Variants in ADIPOR2 observed in about 807,000 individuals in gnomAD.
ADIPOR2 encodes adiponectin receptor 2, also known as adiponectin receptor protein 2.
A neutral mutation model predicts 40.9 loss-of-function variants in ADIPOR2; 18 were observed. The observed-to-expected ratio is 0.44, with a 90% CI of 0.30 to 0.65. The LOEUF (loss-of-function observed/expected upper bound fraction) is 0.65, where lower values mean the gene tolerates loss of function less well. Ranked by LOEUF, ADIPOR2 falls within the 30% of genes least tolerant of loss-of-function variation. ADIPOR2 has a pLI of 0.09. For synonymous variants in ADIPOR2, 165 were observed against 166.4 expected (o/e 0.99, Z 0.06); for missense variants, 283 against 479.2 (o/e 0.59, Z 3.82).
intron 1 of ADIPOR2, among the ~76,000 whole-genome samples, chr12:1,746,076 T>TA (rs2094754378): frequency 1.3e-5 from 2 of 152,158 alleles, no homozygotes; most frequent in African/African-American, 2.4e-5. Context: ...TGACATGATC[T>TA]AAAAAATATG....
chr12:1,766,885 T>C (rs569810908), intron 2 of ADIPOR2, among the ~76,000 whole-genome samples: 100 of 152,332 alleles, frequency 6.6e-4, no homozygotes, highest in African/African-American at 2.4e-3. Context: ...TGCCACTATA[T>C]AATAGTTTAT....
chr12:1,693,536 T>G (rs973444438), intron 1 of ADIPOR2, among the ~76,000 whole-genome samples: 5 of 143,794 alleles, frequency 3.5e-5, no homozygotes, highest in African/African-American at 1.3e-4. Flanking sequence ...TTTTTTTTTG[T>G]TCATTTTGTT....
At chr12:1,780,292 C>A in intron 4 of ADIPOR2, 159 bp from the exon 5 acceptor site, 2 of 687,254 alleles carry the variant, frequency 2.9e-6, no homozygotes, top group Non-Finnish European at 4.4e-6. Context: ...GGAAGTAAAC[C>A]ACAATTTTGG....
chr12:1,756,181 C>T (rs534279764), intron 2 of ADIPOR2, among the ~76,000 whole-genome samples: 6 of 151,958 alleles, frequency 3.9e-5, no homozygotes, highest in African/African-American at 1.4e-4. Flanking sequence ...GATAGAGTCT[C>T]GCTCTGTTGC....
At chr12:1,694,137 A>C (rs112149384) in intron 1 of ADIPOR2, among the ~76,000 whole-genome samples, 44 of 152,226 alleles carry the variant, frequency 2.9e-4, no homozygotes, top group African/African-American at 1.0e-3. Flanking sequence ...TTTACAGGTG[A>C]GGAAACTAAG....
rs558483171 is a variant in ADIPOR2 at position 1,733,618 on chromosome 12, A to T, written c.-86-20640A>T. Among the ~76,000 whole-genome samples, 9 of 151,976 alleles carry T rather than the reference A, an allele frequency of 5.9e-5. No homozygotes were observed. In the East Asian group the frequency reaches 1.4e-3, roughly 23 times the overall value. On this transcript the variant is annotated intron_variant, in intron 1 of 7. Coordinates refer to ENST00000357103, the MANE Select transcript of ADIPOR2 (RefSeq NM_024551.3). ...ACCATGTGTTCTTATTTATTTATTT[A>T]TTTTTTATTCTAAGTTTTAGGGTAC...
At chr12:1,693,919 G>A (rs185066723) in intron 1 of ADIPOR2, among the ~76,000 whole-genome samples, 36 of 152,248 alleles carry the variant, frequency 2.4e-4, no homozygotes, top group African/African-American at 8.2e-4. Context: ...GGTCTTTCTA[G>A]AAAGGGGCTT....
chr12:1,757,276 A>G, intron 2 of ADIPOR2: 2 of 604,150 alleles, frequency 3.3e-6, no homozygotes, highest in South Asian at 3.9e-5. Flanking sequence ...CTTTCTTTTC[A>G]GCAATGGTGA....
At chr12:1,766,039 T>C (rs992602892) in intron 2 of ADIPOR2, among the ~76,000 whole-genome samples, 1 of 152,206 alleles carries the variant, frequency 6.6e-6, no homozygotes, top group African/African-American at 2.4e-5. Flanking sequence ...GTGTTGGCAC[T>C]TTGGACTTGA....
At chr12:1,692,682 A>G (rs1200186117) in intron 1 of ADIPOR2, among the ~76,000 whole-genome samples, 1 of 151,244 alleles carries the variant, frequency 6.6e-6, no homozygotes, top group Non-Finnish European at 1.5e-5. Flanking sequence ...GTATGAATTT[A>G]TAAATAAATG....
chr12:1,749,901 A>T (rs2094765285), intron 1 of ADIPOR2, among the ~76,000 whole-genome samples: 1 of 143,142 alleles, frequency 7.0e-6, no homozygotes, highest in Non-Finnish European at 1.5e-5. Context: ...CAGTGGTGTC[A>T]TCATAGTTCA....
chr12:1,751,548 C>T (rs764634203), intron 1 of ADIPOR2, among the ~76,000 whole-genome samples: 20 of 152,152 alleles, frequency 1.3e-4, no homozygotes, highest in Non-Finnish European at 2.2e-4. Context: ...TGCTTTGTTA[C>T]TCAGGCTGGA....
intron 2 of ADIPOR2, among the ~76,000 whole-genome samples, chr12:1,756,036 G>A (rs1862117207): frequency 6.6e-6 from 1 of 152,064 alleles, no homozygotes; most frequent in African/African-American, 2.4e-5. Context: ...CTAGTGCCAA[G>A]GTCCAAAGGT....
intron 2 of ADIPOR2, chr12:1,757,729 C>T (rs1021083878): frequency 7.7e-7 from 1 of 1,293,584 alleles, no homozygotes; most frequent in Non-Finnish European, 1.1e-6. Flanking sequence ...GAAATTCTCC[C>T]CCGTCTTGTC....
chr12:1,693,107 A>G (rs2094630561), intron 1 of ADIPOR2, among the ~76,000 whole-genome samples: 1 of 152,164 alleles, frequency 6.6e-6, no homozygotes, highest in Admixed American at 6.5e-5. Flanking sequence ...GTGAGCCAAG[A>G]TTGCACCATT....
intron 2 of ADIPOR2, among the ~76,000 whole-genome samples, chr12:1,755,324 C>T (rs1177845272): frequency 6.6e-6 from 1 of 152,168 alleles, no homozygotes; most frequent in Non-Finnish European, 1.5e-5. Flanking sequence ...TATCCACCTG[C>T]CTCAACCTCC....
chr12:1,773,042 C>T, intron 3 of ADIPOR2, 81 bp downstream of exon 3: 1 of 1,482,428 alleles, frequency 6.7e-7, no homozygotes, highest in Non-Finnish European at 9.0e-7. Context: ...AGTGGTAGTA[C>T]TATAGCCTTT....
intron 4 of ADIPOR2, 172 bp downstream of exon 4, chr12:1,778,197 G>T: frequency 1.4e-6 from 1 of 708,516 alleles, no homozygotes; most frequent in Non-Finnish European, 2.1e-6. Flanking sequence ...ATCCTGGTTT[G>T]CACTATGATT....
Position 1,781,052 on chromosome 12 carries a change from C to G in ADIPOR2, c.814C>G (p.Pro272Ala). 6.2e-7 allele frequency: 1 copy of G among 1,609,542 alleles called. No individual in the cohort carries two copies. The highest frequency in any genetic ancestry group is 8.5e-7 in the Non-Finnish European group (1 of 1,178,372). The change falls in exon 6 of 8, where the codon CCT (proline) becomes GCT (alanine). Residue 272 changes from proline to alanine, a missense_variant. By Grantham distance (27) the Pro-to-Ala change is conservative (BLOSUM62 -1). Around this residue, in one of 3 missense-constraint regions of ADIPOR2, gnomAD observed 106 missense variants for 149.7 expected, o/e 0.71. Transcript: ENST00000357103. ...CTCCCAGTGGGACATGTTTGCCACC[C>G]CTCAGTATCGGGGAGTAAGAGCAGG... ...IVSQWDMFAT[P>A]QYRGVRAGVF...
Sources: gnomAD v4.1 joint callset for allele counts (sites outside exome capture counted in the v4.1 genomes callset) on GRCh38, gnomAD v4.1.1 for gene constraint, gnomAD v4.1.1 regional missense constraint, MANE v1.5 for transcripts, NCBI Gene and HGNC (gene_info 2026-07-23, HGNC 2026-07-21) for gene names.